KNG1: variants seen among roughly 807,000 people sequenced by gnomAD.
KNG1 encodes the protein kininogen-1.
In KNG1, 23 loss-of-function variants were observed where a neutral mutation model predicts 47.8. That is an observed-to-expected ratio of 0.48 (90% CI 0.35 to 0.68). The LOEUF (loss-of-function observed/expected upper bound fraction) is 0.68, where lower values mean the gene tolerates loss of function less well. Among genes scored for constraint, KNG1 ranks in the 30% least tolerant of loss-of-function variants. KNG1 has a pLI of 0.01. For missense variants in KNG1, 762 were observed against 790.2 expected (o/e 0.96, Z 0.43); for synonymous variants, 277 against 277.0 (o/e 1.00, Z 0.00).
chr3:186,725,912 T>C (rs1385890573), intron 4 of KNG1, among the ~76,000 whole-genome samples: 1 of 111,704 alleles, frequency 9.0e-6, no homozygotes, highest in Admixed American at 9.4e-5. Context: ...AGTTCCCATA[T>C]CATCAGAAAA....
Position 186,725,247 on chromosome 3 carries a change from G to A in KNG1, c.551G>A (p.Arg184Gln), listed in dbSNP as rs1720326776. 5 of 1,613,852 alleles carry A rather than the reference G, an allele frequency of 3.1e-6. No homozygotes were observed. The highest frequency in any genetic ancestry group is 1.7e-6 in the Non-Finnish European group (2 of 1,179,900). The change falls in exon 4 of 10, where the codon CGG becomes CAG. Residue 184 changes from arginine to glutamine, a missense_variant. Arg to Gln is a conservative substitution (Grantham distance 43). Transcript: ENST00000644859. ...SSLFMLNEVK[R>Q]AQRQVVAGLN... ...CTCTTCATGCTTAATGAAGTAAAAC[G>A]GGCCCAAAGACAGGTTTGTTCTTTA...
At chr3:186,722,699 C>T (rs1720241289) in intron 3 of KNG1, among the ~76,000 whole-genome samples, 178 bp downstream of exon 3, 1 of 152,192 alleles carries the variant, frequency 6.6e-6, no homozygotes, top group Non-Finnish European at 1.5e-5. Context: ...AGGCTTGTGA[C>T]CATCATCCCC....
chr3:186,742,448 A>C lies in KNG1; in HGVS notation c.*117A>C. 3 of 1,526,310 alleles carry C rather than the reference A, an allele frequency of 2.0e-6. No individual in the cohort carries two copies. The highest frequency in any genetic ancestry group is 2.6e-6 in the Non-Finnish European group (3 of 1,144,030). 94.5% of individuals were successfully genotyped at this position (1,526,310 alleles called of 1,614,324 possible). ...ACCAAAAACCATGCAGCTTCGGAAC[A>C]GTCTAAAGAGAAGTGGTGAGACTCC... is the stretch of plus-strand genomic sequence containing the variant. On this transcript the variant is annotated 3_prime_UTR_variant, in exon 10 of 10. Transcript: ENST00000644859.
intron 8 of KNG1, 38 bp downstream of exon 8, chr3:186,739,244 G>A (rs367655286): frequency 1.3e-6 from 2 of 1,587,012 alleles, no homozygotes; most frequent in African/African-American, 2.7e-5. Flanking sequence ...TTCACTGGAA[G>A]CCTATTTGAT....
At chr3:186,718,998 GA>G (rs34745532) in intron 1 of KNG1, among the ~76,000 whole-genome samples, 23,291 of 145,128 alleles carry the variant, frequency 0.16, 2,130 homozygotes, top group African/African-American at 0.26. Context: ...TACTTTAGCA[GA>G]AAAAAAAAAA....
chr3:186,741,569 A>T lies in KNG1; in HGVS notation c.1173A>T (p.Ser391=), dbSNP rs139600699. The T allele has an allele frequency of 6.2e-5, 100 of 1,610,364 alleles. No homozygotes were observed. The East Asian group carries it at 8.0e-4, about 13-fold the overall frequency. The part of the protein sequence containing the change: ...RPPGFSPFRS[S]RIGEIKEETT... ...CAGGTTTTTCACCTTTCCGATCATCACGAATAGGGGAAATAAAAGAAGAAA... is the reference window on the plus strand; with the variant it reads ...CAGGTTTTTCACCTTTCCGATCATCTCGAATAGGGGAAATAAAAGAAGAAA... Residue 391 remains serine (S), a synonymous_variant, in exon 10 of 10, where the codon TCA becomes TCT. Coordinates refer to ENST00000644859, the MANE Select transcript of KNG1 (RefSeq NM_001102416.3).
Position 186,742,920 on chromosome 3 carries a change from A to G in KNG1, c.*589A>G, listed in dbSNP as rs1172224163. On this transcript the variant is annotated 3_prime_UTR_variant, in exon 10 of 10. Coordinates refer to ENST00000644859, the MANE Select transcript of KNG1 (RefSeq NM_001102416.3). Reference sequence around the variant, plus strand: ...GAAAAAAAAAGAAATAATAAGAAAAACTTCCAGATTTCAAAGTAACAAGAA... The same window carrying G: ...GAAAAAAAAAGAAATAATAAGAAAAGCTTCCAGATTTCAAAGTAACAAGAA... 3 of 982,370 alleles carry G rather than the reference A, an allele frequency of 3.1e-6. No homozygotes were observed. The African/African-American group carries it at 5.2e-5, about 17-fold the overall frequency. The allele number at this position is 982,370 out of a possible 1,614,324, so 60.9% of individuals were successfully genotyped here. A position where few individuals can be genotyped will look rare whatever the true frequency, so the allele number is the denominator to read the frequency against.
intron 2 of KNG1, 80 bp from the exon 3 acceptor site, chr3:186,722,357 A>C: frequency 8.6e-7 from 1 of 1,169,456 alleles, no homozygotes. Flanking sequence ...TTTTTAAGGA[A>C]AGCCACATTT....
In KNG1 at chr3:186,743,416, A is replaced by G. The variant is rs1203931053; in HGVS notation, c.*1085A>G. 2.5e-6 allele frequency: 1 copy of G among 403,082 alleles called. No homozygotes were observed. Among genetic ancestry groups the G allele is most frequent in the Non-Finnish European group, 4.6e-6 (1 of 215,314 alleles). 25.0% of individuals were successfully genotyped at this position (403,082 alleles called of 1,614,324 possible). On this transcript the variant is annotated 3_prime_UTR_variant, in exon 10 of 10. Transcript: ENST00000644859. ...ATAGGATTGCCTTTCATTGCCCTAT[A>G]GTGCAAAGAAGGTATATGCTTTATA...
At position 186,725,392 on chromosome 3, in the gene KNG1, G is replaced by A. The variant is rs542020841; in HGVS notation, c.564+132G>A. On this transcript the variant is annotated intron_variant, in intron 4 of 9. Coordinates refer to ENST00000644859, the MANE Select transcript of KNG1 (RefSeq NM_001102416.3). ...CAGGAAGCGAAGAGCTTTCTCCTTA[G>A]TCAAAGTGAGTCGGATAGTGCAATA... 1,403 of 830,060 alleles carry A rather than the reference G, an allele frequency of 1.7e-3. 8 individuals carry two copies. The highest frequency in any genetic ancestry group is 2.1e-3 in the Non-Finnish European group (1,049 of 499,466). The allele number at this position is 830,060 out of a possible 1,614,324, so 51.4% of individuals were successfully genotyped here.
At chr3:186,740,396 GA>G (rs1720779653) in intron 9 of KNG1, among the ~76,000 whole-genome samples, 1 of 152,152 alleles carries the variant, frequency 6.6e-6, no homozygotes, top group East Asian at 1.9e-4. Context: ...CTATTTTACA[GA>G]AAGGAAAAGT....
intron 7 of KNG1, among the ~76,000 whole-genome samples, chr3:186,733,326 T>TA: frequency 6.6e-6 from 1 of 152,208 alleles, no homozygotes. Context: ...CAGGAAGACT[T>TA]ACGCTATGTC....
At chr3:186,729,052 G>T (rs767287752) in intron 5 of KNG1, 8 of 152,054 alleles carry the variant, frequency 5.3e-5, no homozygotes, top group African/African-American at 1.2e-4. Flanking sequence ...AAAGTAAAAA[G>T]GACACTATCA....
intron 6 of KNG1, among the ~76,000 whole-genome samples, 167 bp from the exon 7 acceptor site, chr3:186,732,335 G>A (rs533480879): frequency 6.6e-6 from 1 of 152,286 alleles, no homozygotes; most frequent in Admixed American, 6.5e-5. Context: ...GAGAAAAGAA[G>A]AGAGGCAGGA....
At chr3:186,723,112 CTTCT>C (rs1329417098) in intron 3 of KNG1, among the ~76,000 whole-genome samples, 1 of 134,978 alleles carries the variant, frequency 7.4e-6, no homozygotes, top group Non-Finnish European at 1.6e-5. Flanking sequence ...CATGTATTAT[CTTCT>C]TTTTCTTTTT....
In KNG1 at chr3:186,727,364, A is replaced by T. The variant is rs1404986531; in HGVS notation, c.672+20A>T. 2 of 1,408,960 alleles carry T rather than the reference A, an allele frequency of 1.4e-6. No homozygotes were observed. The highest frequency in any genetic ancestry group is 1.2e-5 in the South Asian group (1 of 86,766). 87.3% of individuals were successfully genotyped at this position (1,408,960 alleles called of 1,614,324 possible). On this transcript the variant is annotated intron_variant, in intron 5 of 9. Transcript: ENST00000644859. ...AATGGTGTAAGTAGGCAAAAATTTA[A>T]TGATAAAGTTCTTAGCATTTTGTTT...
chr3:186,719,940 A>C (rs1460683722), intron 1 of KNG1, among the ~76,000 whole-genome samples, 165 bp from the exon 2 acceptor site: 1 of 152,172 alleles, frequency 6.6e-6, no homozygotes, highest in African/African-American at 2.4e-5. Context: ...ATATATTATA[A>C]ACATTCTTTC....
intron 5 of KNG1, among the ~76,000 whole-genome samples, chr3:186,727,928 C>T (rs182357359): frequency 7.4e-4 from 112 of 152,270 alleles, no homozygotes; most frequent in African/African-American, 2.4e-3. Flanking sequence ...AATGCTTGAA[C>T]GGTCAACTGT....
At position 186,742,619 on chromosome 3, in the gene KNG1, C is replaced by T; in HGVS notation, c.*288C>T. On this transcript the variant is annotated 3_prime_UTR_variant, in exon 10 of 10. Transcript: ENST00000644859. ...CCGTATGGCCTGCTGCAATTGGCTT[C>T]TCTGATAACAAATATGTACCTTACA... is the stretch of plus-strand genomic sequence containing the variant. 4 of 1,240,702 alleles carry T rather than the reference C, an allele frequency of 3.2e-6. No individual in the cohort carries two copies. The highest frequency in any genetic ancestry group is 4.1e-6 in the Non-Finnish European group (4 of 986,636). The allele number at this position is 1,240,702 out of a possible 1,614,324, so 76.9% of individuals were successfully genotyped here. A position where few individuals can be genotyped will look rare whatever the true frequency, so the allele number is the denominator to read the frequency against.
Sources: gnomAD v4.1 joint callset for allele counts (sites outside exome capture counted in the v4.1 genomes callset) on GRCh38, gnomAD v4.1.1 for gene constraint, MANE v1.5 for transcripts, NCBI Gene and HGNC (gene_info 2026-07-23, HGNC 2026-07-21) for gene names.